The following GRHL2 variants were observed in gnomAD, a reference collection of about 807,000 sequenced individuals.
The protein encoded by GRHL2 is grainyhead like transcription factor 2.
In GRHL2, 21 loss-of-function variants were observed where a neutral mutation model predicts 83.8. The observed-to-expected ratio is 0.25, with a 90% CI of 0.18 to 0.36. The LOEUF is 0.36. Among genes scored for constraint, GRHL2 ranks in the 10% least tolerant of loss-of-function variants. The pLI is 1.00. For synonymous variants in GRHL2, 280 were observed against 278.9 expected (o/e 1.00, Z -0.04); for missense variants, 623 against 781.8 (o/e 0.80, Z 2.42).
At chr8:101,598,092 T>C (rs909373720) in intron 7 of GRHL2, among the ~76,000 whole-genome samples, 1 of 152,132 alleles carries the variant, frequency 6.6e-6, no homozygotes, top group Non-Finnish European at 1.5e-5. Context: ...TAAGAATATA[T>C]ATAAACACAT....
chr8:101,672,242 G>A (rs534705773), downstream of GRHL2, among the ~76,000 whole-genome samples: 17 of 151,752 alleles, frequency 1.1e-4, no homozygotes, highest in South Asian at 2.5e-3. Flanking sequence ...GGCTTCAGAC[G>A]ATCAAACTAC....
chr8:101,652,888 T>C (rs1813702140), intron 14 of GRHL2, among the ~76,000 whole-genome samples: 1 of 152,130 alleles, frequency 6.6e-6, no homozygotes, highest in South Asian at 2.1e-4. Flanking sequence ...TACTAAATCA[T>C]TGTTTGGGTA....
At chr8:101,564,576 C>T (rs182671766) in intron 4 of GRHL2, among the ~76,000 whole-genome samples, 35 of 151,960 alleles carry the variant, frequency 2.3e-4, no homozygotes, top group Admixed American at 2.1e-3. Context: ...GAGGCAGAGG[C>T]GGGAGGATCA....
At chr8:101,628,933 A>G (rs549677660) in intron 9 of GRHL2, among the ~76,000 whole-genome samples, 24 of 152,270 alleles carry the variant, frequency 1.6e-4, no homozygotes, top group African/African-American at 5.8e-4. Context: ...TGGATGTGCA[A>G]AGAAAGTGAG....
At chr8:101,655,965 T>A (rs1813776247) in intron 14 of GRHL2, among the ~76,000 whole-genome samples, 1 of 152,220 alleles carries the variant, frequency 6.6e-6, no homozygotes, top group African/African-American at 2.4e-5. Context: ...GCCTTTGCAC[T>A]TGCTGTTCCC....
At chr8:101,566,065 A>C (rs1489772326) in intron 4 of GRHL2, among the ~76,000 whole-genome samples, 1 of 152,178 alleles carries the variant, frequency 6.6e-6, no homozygotes, top group Non-Finnish European at 1.5e-5. Context: ...AAAGGACAAA[A>C]TCTCAAAAAT....
intron 14 of GRHL2, among the ~76,000 whole-genome samples, chr8:101,651,511 T>C (rs746085232): frequency 2.4e-4 from 37 of 152,192 alleles, no homozygotes; most frequent in Middle Eastern, 3.2e-3. Context: ...TTCCTTGGTG[T>C]CTTTTCTTTA....
rs1811406982 is a variant in GRHL2 at position 101,552,592 on chromosome 8, ACTTTTC to A, written c.217-121_217-116del. On this transcript the variant is annotated intron_variant, in intron 2 of 15. Coordinates refer to ENST00000646743, the MANE Select transcript of GRHL2 (RefSeq NM_024915.4). ...CCTTTATCATCTCCTGGTGATAGCA[ACTTTTC>A]CACCATTTCCTGGAGAACATTCCAT... 3.5e-6 allele frequency: 3 copies of A among 868,716 alleles called. No individual in the cohort carries two copies. The East Asian group carries it at 7.6e-5, about 22-fold the overall frequency. The allele number at this position is 868,716 out of a possible 1,614,324, so 53.8% of individuals were successfully genotyped here.
At chr8:101,681,087 T>G in the GRHL2 span, among the ~76,000 whole-genome samples, 2 of 144,388 alleles carry the variant, frequency 1.4e-5, no homozygotes, top group Non-Finnish European at 3.0e-5. Context: ...AGAGCAGAAC[T>G]GAAGGAAATA....
chr8:101,525,430 A>C (rs1256066779), intron 1 of GRHL2, among the ~76,000 whole-genome samples: 1 of 152,216 alleles, frequency 6.6e-6, no homozygotes, highest in East Asian at 1.9e-4. Context: ...AAAAATACTT[A>C]TTTATGGCTC....
rs1814121501 is a variant in GRHL2 at position 101,668,273 on chromosome 8, C to T, written c.*1570C>T. ...TTTTGGTAGCTAGACACATCCTGCA[C>T]CCAAAGGTTCTCTACAAAGGCCCAG... is the stretch of plus-strand genomic sequence containing the variant. On this transcript the variant is annotated 3_prime_UTR_variant, in exon 16 of 16. Transcript: ENST00000646743. The T allele has an allele frequency of 1.1e-5, 1 of 90,136 alleles. No individual in the cohort carries two copies. The highest frequency in any genetic ancestry group is 2.4e-5 in the Non-Finnish European group (1 of 42,114). The allele number at this position is 90,136 out of a possible 1,614,324, so 5.6% of individuals were successfully genotyped here.
At chr8:101,543,182 T>C in intron 1 of GRHL2, 59 bp from the exon 2 acceptor site, 1 of 1,199,142 alleles carries the variant, frequency 8.3e-7, no homozygotes, top group Non-Finnish European at 1.2e-6. Flanking sequence ...TGTATATTAT[T>C]AGGGGTAAAA....
intron 8 of GRHL2, among the ~76,000 whole-genome samples, chr8:101,608,134 A>G (rs1812667556): frequency 6.6e-6 from 1 of 152,238 alleles, no homozygotes; most frequent in African/African-American, 2.4e-5. Flanking sequence ...GGCAATCTAT[A>G]TGCATTATGC....
At chr8:101,521,348 T>C (rs1183089250) in intron 1 of GRHL2, among the ~76,000 whole-genome samples, 1 of 152,184 alleles carries the variant, frequency 6.6e-6, no homozygotes, top group East Asian at 1.9e-4. Context: ...TGGCGAAGTG[T>C]GGTCTCCACA....
intron 1 of GRHL2, among the ~76,000 whole-genome samples, chr8:101,540,201 G>A (rs1337148962): frequency 6.6e-6 from 1 of 152,124 alleles, no homozygotes; most frequent in African/African-American, 2.4e-5. Flanking sequence ...TATGCAGTTT[G>A]CAGAATCCTA....
chr8:101,673,848 A>G (rs1160993853), downstream of GRHL2, among the ~76,000 whole-genome samples: 1 of 152,164 alleles, frequency 6.6e-6, no homozygotes, highest in East Asian at 1.9e-4. Flanking sequence ...AGAAATTATA[A>G]CAAACTGTCT....
At chr8:101,543,525 C>G (rs1415847053) in intron 2 of GRHL2, 89 bp downstream of exon 2, 7 of 1,223,216 alleles carry the variant, frequency 5.7e-6, no homozygotes, top group Non-Finnish European at 8.4e-6. Flanking sequence ...TTGTCCCAGG[C>G]CAGGGAACTA....
intron 13 of GRHL2, among the ~76,000 whole-genome samples, chr8:101,646,765 G>C (rs1813519066): frequency 6.6e-6 from 1 of 152,242 alleles, no homozygotes; most frequent in Non-Finnish European, 1.5e-5. Context: ...CAATGCCTGG[G>C]ATGCATGATG....
chr8:101,610,362 A>G (rs4734560), intron 8 of GRHL2, among the ~76,000 whole-genome samples: 75,168 of 150,536 alleles, frequency 0.5, 21,096 homozygotes, highest in African/African-American at 0.71. Context: ...TAGCAATAGA[A>G]GGAGGAAGTA....
Sources: allele counts gnomAD v4.1 joint callset (sites outside exome capture counted in the v4.1 genomes callset), GRCh38; gene constraint gnomAD v4.1.1; transcripts MANE v1.5; gene names NCBI Gene and HGNC (gene_info 2026-07-23, HGNC 2026-07-21).